Variants in TDRD12 observed in about 807,000 individuals in gnomAD.
TDRD12 encodes putative ATP-dependent RNA helicase TDRD12.
Under a neutral mutation model 133.5 loss-of-function variants are expected in TDRD12, and 158 were observed. That is an observed-to-expected ratio of 1.18 (90% CI 1.04 to 1.35). The LOEUF is 1.35. Ranked by LOEUF, TDRD12 falls within the 40% of genes most tolerant of loss-of-function variation. The pLI is 0.00. For synonymous variants in TDRD12, 460 were observed against 477.9 expected, an observed-to-expected ratio of 0.96 and a Z score of 0.49; for missense variants, 1,443 against 1,321.3, an observed-to-expected ratio of 1.09 and a Z score of -1.43.
intron 5 of TDRD12, among the ~76,000 whole-genome samples, chr19:32,748,921 A>G (rs1457291886): frequency 1.3e-5 from 2 of 152,230 alleles, no homozygotes; most frequent in Non-Finnish European, 2.9e-5. Flanking sequence ...TTATTGTGTA[A>G]TATTCATTAC....
At chr19:32,764,390 G>A (rs1047319068) in intron 8 of TDRD12, among the ~76,000 whole-genome samples, 13 of 152,196 alleles carry the variant, frequency 8.5e-5, no homozygotes, top group Admixed American at 4.6e-4. Flanking sequence ...GATTATAGGC[G>A]TGAGCCACCA....
chr19:32,725,356 T>G (rs1414410620), intron 1 of TDRD12, among the ~76,000 whole-genome samples: 1 of 152,134 alleles, frequency 6.6e-6, no homozygotes, highest in Non-Finnish European at 1.5e-5. Flanking sequence ...AGGTTTTACA[T>G]TTAAGTCTTT....
intron 27 of TDRD12, 138 bp downstream of exon 27, chr19:32,818,295 G>A (rs1599628391): frequency 3.3e-6 from 2 of 607,748 alleles, no homozygotes; most frequent in East Asian, 5.5e-5. Context: ...TCCAGGAGCA[G>A]GGATGAAGGT....
At chr19:32,759,904 G>A (rs1277928236) in intron 8 of TDRD12, among the ~76,000 whole-genome samples, 1 of 152,230 alleles carries the variant, frequency 6.6e-6, no homozygotes, top group East Asian at 1.9e-4. Flanking sequence ...ATGGGCCATC[G>A]TGCAGCGTGC....
chr19:32,771,454 G>C (rs1451149310), intron 8 of TDRD12, among the ~76,000 whole-genome samples: 1 of 152,100 alleles, frequency 6.6e-6, no homozygotes, highest in Non-Finnish European at 1.5e-5. Context: ...TGTTGCACTT[G>C]GCCTGTTTGG....
Position 32,777,140 on chromosome 19 carries a change from C to A in TDRD12, c.1041-9C>A. 1 of 1,501,970 alleles carries A rather than the reference C, an allele frequency of 6.7e-7. No homozygotes were observed. Among genetic ancestry groups the A allele is most frequent in the Non-Finnish European group, 8.9e-7 (1 of 1,123,286 alleles). 93.0% of individuals were successfully genotyped at this position (1,501,970 alleles called of 1,614,324 possible). Reference sequence around the variant, plus strand: ...CAAATTTTAATGAATTTTTTTTTTTCATTTCTAGTGCTTTAAGTCAGAAGT... The same window carrying A: ...CAAATTTTAATGAATTTTTTTTTTTAATTTCTAGTGCTTTAAGTCAGAAGT... On this transcript the variant is annotated splice_polypyrimidine_tract_variant and intron_variant, in intron 10 of 27. Transcript: ENST00000444215.
chr19:32,723,591 A>G (rs921834849), intron 1 of TDRD12, among the ~76,000 whole-genome samples: 5 of 151,486 alleles, frequency 3.3e-5, no homozygotes, highest in African/African-American at 1.2e-4. Flanking sequence ...GAGTCTTCCA[A>G]CTATATTCTT....
chr19:32,739,556 C>CTCTTTGCA (rs1466255567), intron 3 of TDRD12, among the ~76,000 whole-genome samples: 1 of 142,456 alleles, frequency 7.0e-6, no homozygotes, highest in Non-Finnish European at 1.5e-5. Flanking sequence ...TCCTGGGGCT[C>CTCTTTGCA]TCTTTGCATC....
intron 11 of TDRD12, among the ~76,000 whole-genome samples, chr19:32,783,344 C>A (rs1970820810): frequency 6.6e-6 from 1 of 152,102 alleles, no homozygotes; most frequent in South Asian, 2.1e-4. Context: ...GGTACCAGTG[C>A]CATGCTGTTT....
chr19:32,820,925 T>A lies in TDRD12; in HGVS notation c.3384-108T>A, dbSNP rs898463693. On this transcript the variant is annotated intron_variant, in intron 27 of 27. Transcript: ENST00000444215. Reference sequence around the variant, plus strand: ...AAATGTCATAAGCTCTACGTGGGTCTGACTCCACGGCCACAGGCACTTCAC... The same window carrying A: ...AAATGTCATAAGCTCTACGTGGGTCAGACTCCACGGCCACAGGCACTTCAC... 20 of 815,988 alleles carry A rather than the reference T, an allele frequency of 2.5e-5. No individual in the cohort carries two copies. The Admixed American group carries it at 4.3e-4, about 18-fold the overall frequency. 50.5% of individuals were successfully genotyped at this position (815,988 alleles called of 1,614,324 possible). A position where few individuals can be genotyped will look rare whatever the true frequency, so the allele number is the denominator to read the frequency against.
intron 3 of TDRD12, among the ~76,000 whole-genome samples, chr19:32,739,738 GTCTGCATCTCCTGGGTGCTC>G (rs1969347200): frequency 1.3e-5 from 1 of 76,322 alleles, no homozygotes; most frequent in African/African-American, 5.5e-5. Context: ...CCTGGGTGCT[GTCTGCATCTCCTGGGTGCTC>G]TCTGCATCTC....
chr19:32,816,778 A>C (rs1248769727), intron 26 of TDRD12, among the ~76,000 whole-genome samples: 1 of 152,158 alleles, frequency 6.6e-6, no homozygotes, highest in Non-Finnish European at 1.5e-5. Context: ...GCAGCTCCAG[A>C]GGGGGAAGGA....
intron 20 of TDRD12, 43 bp downstream of exon 20, chr19:32,802,832 T>C: frequency 6.5e-7 from 1 of 1,535,110 alleles, no homozygotes; most frequent in South Asian, 1.2e-5. Flanking sequence ...ACTGGCATCT[T>C]CTGTGTCATG....
chr19:32,732,042 C>T (rs1969073953), intron 2 of TDRD12, among the ~76,000 whole-genome samples, 159 bp downstream of exon 2: 1 of 152,002 alleles, frequency 6.6e-6, no homozygotes, highest in African/African-American at 2.4e-5. Flanking sequence ...CTCGCTCTGT[C>T]ACATAGGCTG....
chr19:32,789,067 G>C (rs1348830706), intron 11 of TDRD12, among the ~76,000 whole-genome samples: 1 of 152,172 alleles, frequency 6.6e-6, no homozygotes, highest in Non-Finnish European at 1.5e-5. Context: ...CTCGGGTTGG[G>C]GTGAGTGGCC....
At chr19:32,744,522 AAAC>A (rs1599847566) in intron 4 of TDRD12, among the ~76,000 whole-genome samples, 18 of 150,378 alleles carry the variant, frequency 1.2e-4, no homozygotes, top group East Asian at 1.9e-4. Context: ...AAAAAAAAAA[AAAC>A]AAAAGAATAT....
exon 12 of TDRD12, chr19:32,790,549 T>C: frequency 6.4e-7 from 1 of 1,551,914 alleles, no homozygotes; most frequent in Non-Finnish European, 8.7e-7. Flanking sequence ...AGTTTTTAAA[T>C]CCTGATCCTT....
At chr19:32,750,540 C>G (rs186855417) in intron 6 of TDRD12, among the ~76,000 whole-genome samples, 1 of 152,194 alleles carries the variant, frequency 6.6e-6, no homozygotes, top group African/African-American at 2.4e-5. Flanking sequence ...TAGCACAAAA[C>G]CACAGTACAG....
At chr19:32,721,082 GC>G (rs1389948516) in intron 1 of TDRD12, among the ~76,000 whole-genome samples, 1 of 152,074 alleles carries the variant, frequency 6.6e-6, no homozygotes, top group African/African-American at 2.4e-5. Flanking sequence ...ATGGGTCCGG[GC>G]TTCCCTCATG....
Sources: allele counts gnomAD v4.1 joint callset (sites outside exome capture counted in the v4.1 genomes callset), GRCh38; gene constraint gnomAD v4.1.1; transcripts MANE v1.5; gene names NCBI Gene and HGNC (gene_info 2026-07-23, HGNC 2026-07-21).